Variants in ZNF469 observed in about 807,000 individuals in gnomAD.
ZNF469 encodes zinc finger protein 469.
Under a neutral mutation model 1.0 loss-of-function variants are expected in ZNF469, and 1 was observed. The observed-to-expected ratio is 1.00, with a 90% CI of 0.35 to 4.73. ZNF469 has a LOEUF of 4.73. Among genes scored for constraint, ZNF469 ranks in the 30% most tolerant of loss-of-function variants. The pLI, the probability that ZNF469 is intolerant of heterozygous loss-of-function variation, is 0.16. For synonymous variants in ZNF469, 2,703 were observed against 2,363.4 expected (o/e 1.14, Z -4.17); for missense variants, 6,100 against 5,356.3 (o/e 1.14, Z -4.33).
the ZNF469 span, chr16:88,302,331 A>G: frequency 6.6e-6 from 1 of 152,246 alleles, no homozygotes; most frequent in African/African-American, 2.4e-5. Context: ...AGTCTGGCCA[A>G]TGGAGTCTCA....
the ZNF469 span, among the ~76,000 whole-genome samples, chr16:88,318,987 T>C: frequency 6.6e-6 from 1 of 152,094 alleles, no homozygotes; most frequent in Non-Finnish European, 1.5e-5. Context: ...TACCTGGGGG[T>C]CAGGACCAGA....
the ZNF469 span, among the ~76,000 whole-genome samples, chr16:88,151,977 G>T: frequency 6.6e-6 from 1 of 152,216 alleles, no homozygotes; most frequent in African/African-American, 2.4e-5. This position sits in a 1 kb window ranked among gnomAD's most constrained non-coding sequence, Gnocchi z 5.4. Flanking sequence ...AGGAGCTGAT[G>T]TTCCCACACC....
the ZNF469 span, among the ~76,000 whole-genome samples, chr16:88,187,314 C>T: frequency 6.6e-6 from 1 of 152,332 alleles, no homozygotes; most frequent in Non-Finnish European, 1.5e-5. Flanking sequence ...CAGCACCTGC[C>T]CAGGTGTGTG....
chr16:88,207,865 C>A, the ZNF469 span, among the ~76,000 whole-genome samples: 1 of 151,956 alleles, frequency 6.6e-6, no homozygotes, highest in African/African-American at 2.4e-5. Context: ...CATCTCGATC[C>A]CATCTGCAAA....
the ZNF469 span, among the ~76,000 whole-genome samples, chr16:88,305,357 C>T: frequency 6.7e-6 from 1 of 149,846 alleles, no homozygotes; most frequent in African/African-American, 2.5e-5. Flanking sequence ...CATGCACACA[C>T]ATGCTCACAG....
the ZNF469 span, among the ~76,000 whole-genome samples, chr16:88,161,991 A>G: frequency 6.6e-6 from 1 of 152,250 alleles, no homozygotes; most frequent in Non-Finnish European, 1.5e-5. Context: ...GAAACATTGG[A>G]AAGAATCACA....
the ZNF469 span, among the ~76,000 whole-genome samples, chr16:88,140,072 T>C: frequency 8.5e-5 from 13 of 152,294 alleles, no homozygotes; most frequent in Non-Finnish European, 4.4e-5. Flanking sequence ...CAGGGAATAA[T>C]TGAACAGCAG....
At chr16:88,387,393 C>T (rs1299412622) in intron 1 of ZNF469, among the ~76,000 whole-genome samples, 1 of 152,150 alleles carries the variant, frequency 6.6e-6, no homozygotes, top group African/African-American at 2.4e-5. Flanking sequence ...GACCCACCCC[C>T]GGGTGCCGGG....
chr16:88,256,231 G>A, the ZNF469 span, among the ~76,000 whole-genome samples: 90 of 152,210 alleles, frequency 5.9e-4, 1 homozygote, highest in East Asian at 0.014. Flanking sequence ...TGCCAGCCCC[G>A]GGCAACCACT....
chr16:88,147,347 C>A, the ZNF469 span, among the ~76,000 whole-genome samples: 2 of 152,098 alleles, frequency 1.3e-5, no homozygotes, highest in Non-Finnish European at 2.9e-5. Context: ...GACCTCTGAC[C>A]TTCAGCGCCA....
chr16:88,121,771 C>T, the ZNF469 span, among the ~76,000 whole-genome samples: 60 of 152,334 alleles, frequency 3.9e-4, no homozygotes, highest in African/African-American at 1.4e-3. Context: ...TATAACTGTG[C>T]AAATACTCGC....
the ZNF469 span, among the ~76,000 whole-genome samples, chr16:88,365,485 C>A: frequency 2.0e-5 from 3 of 152,162 alleles, no homozygotes; most frequent in Admixed American, 6.5e-5. Flanking sequence ...CAGGAGGTGG[C>A]GGGCATGAGG....
chr16:88,358,489 T>C, the ZNF469 span, among the ~76,000 whole-genome samples: 1 of 152,036 alleles, frequency 6.6e-6, no homozygotes, highest in Non-Finnish European at 1.5e-5. Context: ...GATCCGAACA[T>C]TCCGGGATCC....
At chr16:88,227,290 G>C in the ZNF469 span, among the ~76,000 whole-genome samples, 1 of 152,204 alleles carries the variant, frequency 6.6e-6, no homozygotes, top group Non-Finnish European at 1.5e-5. Flanking sequence ...TCTAGCACAG[G>C]AAGAGAGAGG....
chr16:88,120,918 G>C, the ZNF469 span, among the ~76,000 whole-genome samples: 12 of 152,308 alleles, frequency 7.9e-5, no homozygotes, highest in African/African-American at 2.9e-4. Context: ...TGGTTTCTTG[G>C]TCCTCAGCCA....
At chr16:88,171,460 A>G in the ZNF469 span, among the ~76,000 whole-genome samples, 207 of 152,348 alleles carry the variant, frequency 1.4e-3, no homozygotes, top group African/African-American at 4.9e-3. Flanking sequence ...GTATCTCAGA[A>G]AGCTCCTGAA....
chr16:88,325,260 G>T, the ZNF469 span, among the ~76,000 whole-genome samples: 1 of 151,922 alleles, frequency 6.6e-6, no homozygotes. Flanking sequence ...CACTCCAGGT[G>T]GTCCCTACAG....
At chr16:88,138,140 A>C in the ZNF469 span, among the ~76,000 whole-genome samples, 1 of 152,220 alleles carries the variant, frequency 6.6e-6, no homozygotes, top group Non-Finnish European at 1.5e-5. Context: ...ATCACATTCT[A>C]GAATGTTCCA....
chr16:88,185,033 G>A, the ZNF469 span, among the ~76,000 whole-genome samples: 1 of 148,662 alleles, frequency 6.7e-6, no homozygotes, highest in Non-Finnish European at 1.5e-5. Flanking sequence ...ACTCATACAG[G>A]CACATACGTA....
Sources: gnomAD v4.1 joint callset for allele counts (sites outside exome capture counted in the v4.1 genomes callset) on GRCh38, gnomAD v4.1.1 for gene constraint, Gnocchi (gnomAD v3.1) non-coding constraint, MANE v1.5 for transcripts, NCBI Gene and HGNC (gene_info 2026-07-23, HGNC 2026-07-21) for gene names.